Variants in NKAIN3 observed in about 807,000 individuals in gnomAD.
NKAIN3 encodes the protein sodium/potassium-transporting ATPase subunit beta-1-interacting protein 3.
A neutral mutation model predicts 30.2 loss-of-function variants in NKAIN3; 25 were observed. The ratio of observed to expected loss-of-function variants is 0.83; its 90% CI spans 0.60 to 1.16. The LOEUF (loss-of-function observed/expected upper bound fraction) is 1.16, where lower values mean the gene tolerates loss of function less well. Ranked by LOEUF, NKAIN3 falls within the 50% of genes most tolerant of loss-of-function variation. The pLI is 0.00. For synonymous variants in NKAIN3, 91 were observed against 89.6 expected (o/e 1.02, Z -0.09); for missense variants, 225 against 254.1 (o/e 0.89, Z 0.78).
chr8:62,292,786 A>G (rs921656254), intron 1 of NKAIN3, among the ~76,000 whole-genome samples: 2 of 152,134 alleles, frequency 1.3e-5, no homozygotes, highest in Admixed American at 1.3e-4. Flanking sequence ...GGCCTGCCTC[A>G]CTAGGTTGGG....
intron 1 of NKAIN3, among the ~76,000 whole-genome samples, chr8:62,263,312 G>A (rs1812502119): frequency 6.6e-6 from 1 of 151,994 alleles, no homozygotes; most frequent in African/African-American, 2.4e-5. Flanking sequence ...AAACAGAAAT[G>A]TACTTCTTTA....
intron 1 of NKAIN3, among the ~76,000 whole-genome samples, chr8:62,257,584 C>T (rs1812303134): frequency 6.6e-6 from 1 of 152,138 alleles, no homozygotes; most frequent in Non-Finnish European, 1.5e-5. Flanking sequence ...TGTAAGCTGC[C>T]ATTTAATGCC....
intron 1 of NKAIN3, among the ~76,000 whole-genome samples, chr8:62,318,370 G>C (rs2129589179): frequency 6.6e-6 from 1 of 152,270 alleles, no homozygotes; most frequent in South Asian, 2.1e-4. Context: ...TCCCTGTCTT[G>C]TGCCAGCTTT....
intron 1 of NKAIN3, among the ~76,000 whole-genome samples, chr8:62,468,454 G>C (rs561015411): frequency 1.3e-5 from 2 of 152,270 alleles, no homozygotes; most frequent in African/African-American, 4.8e-5. Flanking sequence ...GGCCAGGTAA[G>C]AGCTCACCAG....
At chr8:62,629,017 T>C (rs1184697199) in intron 3 of NKAIN3, among the ~76,000 whole-genome samples, 1 of 152,174 alleles carries the variant, frequency 6.6e-6, no homozygotes, top group Non-Finnish European at 1.5e-5. Flanking sequence ...TTCACTAAGC[T>C]CTCAAATATC....
chr8:62,783,298 A>G (rs1377520578), intron 4 of NKAIN3, among the ~76,000 whole-genome samples: 2 of 152,106 alleles, frequency 1.3e-5, no homozygotes, highest in Non-Finnish European at 2.9e-5. Context: ...CAGAAGCCAG[A>G]TAGCCCTTTC....
chr8:62,407,384 G>T (rs958486385), intron 1 of NKAIN3, among the ~76,000 whole-genome samples: 3 of 145,710 alleles, frequency 2.1e-5, no homozygotes, highest in African/African-American at 5.1e-5. Flanking sequence ...TTTATTATCT[G>T]ACAAGACTAG....
At chr8:62,919,349 A>ATTCTCCTG (rs1822207851) in intron 5 of NKAIN3, among the ~76,000 whole-genome samples, 1 of 137,646 alleles carries the variant, frequency 7.3e-6, no homozygotes, top group Admixed American at 8.5e-5. Flanking sequence ...GGTTCACACC[A>ATTCTCCTG]TTCTCCTGCC....
chr8:62,691,822 C>T (rs201735623), intron 3 of NKAIN3, among the ~76,000 whole-genome samples: 1 of 152,108 alleles, frequency 6.6e-6, no homozygotes, highest in Admixed American at 6.5e-5. Flanking sequence ...GGCTGCAAAA[C>T]AAGCCACATT....
intron 5 of NKAIN3, among the ~76,000 whole-genome samples, chr8:62,927,234 A>C (rs1236800746): frequency 1.3e-5 from 2 of 152,102 alleles, no homozygotes; most frequent in African/African-American, 4.8e-5. Context: ...ATGCTGTCTC[A>C]GAGGCCAGCA....
At chr8:62,333,769 CTG>C (rs1479662011) in intron 1 of NKAIN3, among the ~76,000 whole-genome samples, 7 of 152,216 alleles carry the variant, frequency 4.6e-5, no homozygotes, top group African/African-American at 1.7e-4. Context: ...GTATCATTAT[CTG>C]AAAGCATTTA....
At chr8:62,290,419 C>A (rs953932029) in intron 1 of NKAIN3, among the ~76,000 whole-genome samples, 1 of 152,146 alleles carries the variant, frequency 6.6e-6, no homozygotes, top group African/African-American at 2.4e-5. Context: ...TACGTCCCAG[C>A]GATACCTGAT....
intron 4 of NKAIN3, among the ~76,000 whole-genome samples, chr8:62,838,300 A>G (rs999272993): frequency 4.6e-5 from 7 of 151,904 alleles, no homozygotes; most frequent in African/African-American, 9.7e-5. Flanking sequence ...TCAGAGGCAA[A>G]GTGAATTTTA....
chr8:62,441,255 G>T (rs1805316066), intron 1 of NKAIN3, among the ~76,000 whole-genome samples: 1 of 151,924 alleles, frequency 6.6e-6, no homozygotes, highest in South Asian at 2.1e-4. Context: ...GTGGGATTTT[G>T]TTTTATTTTA....
At chr8:62,580,552 T>G (rs1305997336) in intron 2 of NKAIN3, among the ~76,000 whole-genome samples, 1 of 152,178 alleles carries the variant, frequency 6.6e-6, no homozygotes, top group Non-Finnish European at 1.5e-5. Flanking sequence ...ATCATAGACT[T>G]AAAAACATGC....
intron 1 of NKAIN3, among the ~76,000 whole-genome samples, chr8:62,490,893 T>C (rs559626819): frequency 8.5e-5 from 13 of 152,288 alleles, no homozygotes; most frequent in Admixed American, 7.2e-4. Flanking sequence ...AAATATGAAA[T>C]AATAATAGTT....
chr8:62,810,132 A>G (rs1432438371), intron 4 of NKAIN3, among the ~76,000 whole-genome samples: 1 of 152,200 alleles, frequency 6.6e-6, no homozygotes. Context: ...GCTTGCTTGC[A>G]TAATCATATT....
chr8:62,691,594 T>A (rs1005424457), intron 3 of NKAIN3, among the ~76,000 whole-genome samples: 2 of 152,208 alleles, frequency 1.3e-5, no homozygotes, highest in African/African-American at 2.4e-5. Flanking sequence ...TTTGGAATAT[T>A]TGAGAATGTT....
chr8:62,322,152 A>G (rs57527933), intron 1 of NKAIN3, among the ~76,000 whole-genome samples: 9,905 of 152,230 alleles, frequency 0.065, 1,084 homozygotes, highest in African/African-American at 0.22. Context: ...ATCTCCTGGT[A>G]TGCTGTTTGC....
Sources: allele counts gnomAD v4.1 joint callset (sites outside exome capture counted in the v4.1 genomes callset), GRCh38; gene constraint gnomAD v4.1.1; transcripts MANE v1.5; gene names NCBI Gene and HGNC (gene_info 2026-07-23, HGNC 2026-07-21).